The following CFAP61 variants were observed in gnomAD, a reference collection of about 807,000 sequenced individuals.
CFAP61 encodes cilia- and flagella-associated protein 61.
Under a neutral mutation model 135.6 loss-of-function variants are expected in CFAP61, and 107 were observed. The ratio of observed to expected loss-of-function variants is 0.79; its 90% CI spans 0.67 to 0.93. The LOEUF (loss-of-function observed/expected upper bound fraction) is 0.93. Ranked by LOEUF, CFAP61 falls within the 40% of genes least tolerant of loss-of-function variation. The pLI is 0.00. For missense variants in CFAP61, 1,507 were observed against 1,556.2 expected (o/e 0.97, Z 0.53); for synonymous variants, 575 against 578.5 (o/e 0.99, Z 0.09).
At chr20:20,297,289 G>A (rs980113283) in intron 24 of CFAP61, among the ~76,000 whole-genome samples, 2 of 152,186 alleles carry the variant, frequency 1.3e-5, no homozygotes, top group Non-Finnish European at 2.9e-5. Flanking sequence ...AATTGCCTTG[G>A]ATTTCTAAAT....
intron 10 of CFAP61, among the ~76,000 whole-genome samples, chr20:20,162,824 C>A (rs1337333706): frequency 7.2e-6 from 1 of 139,818 alleles, no homozygotes; most frequent in African/African-American, 2.7e-5. Context: ...CAGATGAAAA[C>A]ATTGTCATAT....
At chr20:20,262,883 C>CTTTT in intron 20 of CFAP61, 73 bp from the exon 21 acceptor site, 3 of 731,450 alleles carry the variant, frequency 4.1e-6, no homozygotes, top group East Asian at 3.1e-5. Flanking sequence ...GCTATGTCTA[C>CTTTT]TTTTTTTTTT....
chr20:20,248,799 C>G (rs912894952), intron 19 of CFAP61, among the ~76,000 whole-genome samples: 7 of 152,192 alleles, frequency 4.6e-5, no homozygotes, highest in African/African-American at 1.7e-4. Context: ...TTGGACTAGG[C>G]TTTTGACCAC....
intron 8 of CFAP61, among the ~76,000 whole-genome samples, chr20:20,140,064 G>A (rs2146743731): frequency 6.6e-6 from 1 of 150,496 alleles, no homozygotes; most frequent in South Asian, 2.1e-4. Context: ...AGTTGGAAGA[G>A]TGGATACCTT....
At chr20:20,287,069 G>A (rs1490379432) in intron 22 of CFAP61, among the ~76,000 whole-genome samples, 1 of 152,054 alleles carries the variant, frequency 6.6e-6, no homozygotes, top group Non-Finnish European at 1.5e-5. Flanking sequence ...ATTTTTTATA[G>A]AGATGGGGAA....
At chr20:20,326,994 T>G (rs1269321917) in intron 25 of CFAP61, among the ~76,000 whole-genome samples, 2 of 152,154 alleles carry the variant, frequency 1.3e-5, no homozygotes, top group African/African-American at 4.8e-5. Context: ...ATATTTAAGT[T>G]TATTTTAGTA....
At chr20:20,172,263 T>C in intron 13 of CFAP61, 14 of 984,570 alleles carry the variant, frequency 1.4e-5, no homozygotes, top group Non-Finnish European at 1.7e-5. Context: ...GTGAAGATGG[T>C]GACTGACTTT....
chr20:20,088,598 T>G (rs116626544), intron 6 of CFAP61, among the ~76,000 whole-genome samples: 1,998 of 152,034 alleles, frequency 0.013, 44 homozygotes, highest in African/African-American at 0.046. Flanking sequence ...CCATGACATG[T>G]GGGGATTATG....
chr20:20,138,537 G>A (rs141352216), intron 8 of CFAP61, among the ~76,000 whole-genome samples: 1 of 152,328 alleles, frequency 6.6e-6, no homozygotes, highest in East Asian at 1.9e-4. Flanking sequence ...CTCTCCCCAA[G>A]TGTACAGATT....
At chr20:20,103,231 A>G (rs1190567549) in intron 8 of CFAP61, among the ~76,000 whole-genome samples, 1 of 152,228 alleles carries the variant, frequency 6.6e-6, no homozygotes, top group Non-Finnish European at 1.5e-5. Context: ...CCTTAAAAAA[A>G]AAGTTTCCCT....
intron 8 of CFAP61, among the ~76,000 whole-genome samples, chr20:20,121,818 A>C (rs558366761): frequency 8.8e-4 from 133 of 151,846 alleles, no homozygotes; most frequent in Non-Finnish European, 1.6e-3. Context: ...TTCAACTGCC[A>C]TTTTGTTGCT....
At chr20:20,272,040 T>C (rs2053398950) in intron 21 of CFAP61, among the ~76,000 whole-genome samples, 1 of 152,258 alleles carries the variant, frequency 6.6e-6, no homozygotes, top group South Asian at 2.1e-4. Context: ...ATGGTAGGTA[T>C]ACATGAATTA....
At chr20:20,285,912 C>A (rs2054550191) in intron 22 of CFAP61, among the ~76,000 whole-genome samples, 1 of 124,874 alleles carries the variant, frequency 8.0e-6, no homozygotes, top group Non-Finnish European at 1.7e-5. Flanking sequence ...CAAAGTGAGA[C>A]CCTGTCTCAA....
At chr20:20,338,640 A>C (rs2058328259) in intron 25 of CFAP61, among the ~76,000 whole-genome samples, 1 of 143,882 alleles carries the variant, frequency 7.0e-6, no homozygotes, top group Non-Finnish European at 1.5e-5. Context: ...CCCGGCCTTT[A>C]AAGGACACCT....
intron 14 of CFAP61, among the ~76,000 whole-genome samples, chr20:20,189,576 T>C (rs2055766948): frequency 6.6e-6 from 1 of 152,074 alleles, no homozygotes; most frequent in Non-Finnish European, 1.5e-5. Flanking sequence ...GTGGTCCTGG[T>C]GTTCTTCACC....
intron 8 of CFAP61, among the ~76,000 whole-genome samples, chr20:20,110,480 A>G (rs928800906): frequency 6.6e-6 from 1 of 152,176 alleles, no homozygotes. Flanking sequence ...ATGCGGAAAC[A>G]AAAATAAAAA....
intron 19 of CFAP61, among the ~76,000 whole-genome samples, chr20:20,247,893 C>A (rs1332036720): frequency 6.6e-6 from 1 of 152,250 alleles, no homozygotes; most frequent in Non-Finnish European, 1.5e-5. Flanking sequence ...AACACCCCAA[C>A]ACACTCCAGT....
At chr20:20,294,714 G>A (rs1366030591) in intron 24 of CFAP61, among the ~76,000 whole-genome samples, 1 of 151,838 alleles carries the variant, frequency 6.6e-6, no homozygotes, top group Non-Finnish European at 1.5e-5. Context: ...GGATCATGAG[G>A]TCAGGAGATC....
intron 26 of CFAP61, among the ~76,000 whole-genome samples, chr20:20,356,341 G>A (rs1486293298): frequency 6.8e-6 from 1 of 146,642 alleles, no homozygotes; most frequent in Non-Finnish European, 1.5e-5. Context: ...CTGAGGGGAG[G>A]TGGTCATACT....
Sources: gnomAD v4.1 joint callset for allele counts (sites outside exome capture counted in the v4.1 genomes callset) on GRCh38, gnomAD v4.1.1 for gene constraint, MANE v1.5 for transcripts, NCBI Gene and HGNC (gene_info 2026-07-23, HGNC 2026-07-21) for gene names.